MLC1: variants seen among roughly 807,000 people sequenced by gnomAD.
MLC1 encodes the protein modulator of VRAC current 1, also known as membrane protein MLC1.
A neutral mutation model predicts 44.7 loss-of-function variants in MLC1; 32 were observed. That is an observed-to-expected ratio of 0.72 (90% CI 0.54 to 0.96). The LOEUF is 0.96. Ranked by LOEUF, MLC1 falls within the 40% of genes least tolerant of loss-of-function variation. The pLI is 0.00. For synonymous variants in MLC1, 190 were observed against 213.0 expected, an observed-to-expected ratio of 0.89 and a Z score of 0.94; for missense variants, 459 against 492.2, an observed-to-expected ratio of 0.93 and a Z score of 0.64.
rs574287059 is a variant in MLC1 at position 50,085,395 on chromosome 22, T to C, written c.-100A>G. On this transcript the variant is annotated 5_prime_UTR_variant, in exon 1 of 12. Coordinates refer to ENST00000311597, the MANE Select transcript of MLC1 (RefSeq NM_015166.4). ...GCCGTTGGGAGCACTGGTCTCTGGG[T>C]GAGGGACTTCCAGCAAGAAGTATTC... 4.5e-4 allele frequency: 88 copies of C among 195,100 alleles called. No homozygotes were observed. The highest frequency in any genetic ancestry group is 2.0e-3 in the African/African-American group (87 of 42,704). The allele number at this position is 195,100 out of a possible 1,614,324, so 12.1% of individuals were successfully genotyped here. A position where few individuals can be genotyped will look rare whatever the true frequency, so the allele number is the denominator to read the frequency against.
Position 50,083,303 on chromosome 22 carries a change from G to T in MLC1, c.178-130C>A. ...ACGTCCCCCAGCATCAACCACACCC[G>T]CACCTGGGACCCGCCCATCCTGGAC... is the stretch of plus-strand genomic sequence containing the variant. On this transcript the variant is annotated intron_variant, in intron 2 of 11. Coordinates refer to ENST00000311597, the MANE Select transcript of MLC1 (RefSeq NM_015166.4). The surrounding 1 kb of genome is among the most constrained non-coding windows in gnomAD (Gnocchi z 4.6). 1 of 823,822 alleles carries T rather than the reference G, an allele frequency of 1.2e-6. No homozygotes were observed. The highest frequency in any genetic ancestry group is 2.0e-6 in the Non-Finnish European group (1 of 496,230). 51.0% of individuals were successfully genotyped at this position (823,822 alleles called of 1,614,324 possible). A position where few individuals can be genotyped will look rare whatever the true frequency, so the allele number is the denominator to read the frequency against.
rs1209971027 is a variant in MLC1, at chr22:50,059,758, G to A, written c.*1825C>T. 1 of 152,354 alleles carries A rather than the reference G, an allele frequency of 6.6e-6. No individual in the cohort carries two copies. 9.4% of individuals were successfully genotyped at this position (152,354 alleles called of 1,614,324 possible). The stretch of plus-strand genomic sequence containing the variant: ...CTCTCCCACGGTGGCGCTTGTTTGG[G>A]GCTGTGGCCAAAGTGTTTGCCCGGC... On this transcript the variant is annotated 3_prime_UTR_variant, in exon 12 of 12. Coordinates refer to ENST00000311597, the MANE Select transcript of MLC1 (RefSeq NM_015166.4).
intron 8 of MLC1, among the ~76,000 whole-genome samples, chr22:50,072,285 G>A (rs922513900): frequency 6.6e-5 from 10 of 152,326 alleles, no homozygotes; most frequent in African/African-American, 2.4e-4. Context: ...CCCTGCCCTG[G>A]AAGGGTCCAG....
chr22:50,068,875 C>T (rs1028598501), intron 9 of MLC1, among the ~76,000 whole-genome samples: 6 of 151,796 alleles, frequency 4.0e-5, no homozygotes, highest in African/African-American at 7.3e-5. Flanking sequence ...TACAGGCGCC[C>T]GCCACCACAC....
chr22:50,081,037 G>GAAAGAAAGAAAGAAAGAAAGAAAGAAAGA lies in MLC1; in HGVS notation c.268-641_268-640insTCTTTCTTTCTTTCTTTCTTTCTTTCTTT, dbSNP rs1555968046. 1.7e-3 allele frequency among the ~76,000 whole-genome samples: 213 copies of GAAAGAAAGAAAGAAAGAAAGAAAGAAAGA among 126,960 alleles called. 1 individual carries two copies. Among genetic ancestry groups the GAAAGAAAGAAAGAAAGAAAGAAAGAAAGA allele is most frequent in the Non-Finnish European group, 2.0e-3 (114 of 55,998 alleles). The allele number at this position is 126,960 out of a possible 152,430, so 83.3% of individuals were successfully genotyped here. ...AGAAAGAAAGAAAGAAAGAAAGAAA[G>GAAAGAAAGAAAGAAAGAAAGAAAGAAAGA]AAAGAAAGAAAGAAAGAAAGAGGAG... On this transcript the variant is annotated intron_variant, in intron 3 of 11. Coordinates refer to ENST00000311597, the MANE Select transcript of MLC1 (RefSeq NM_015166.4).
chr22:50,074,696 C>A (rs1161684375), intron 7 of MLC1: 1 of 333,172 alleles, frequency 3.0e-6, no homozygotes, highest in East Asian at 7.3e-5. Flanking sequence ...GACCCTGGAC[C>A]CCATCGAAGG....
chr22:50,065,589 A>T (rs767594515), intron 10 of MLC1, among the ~76,000 whole-genome samples: 1 of 152,204 alleles, frequency 6.6e-6, no homozygotes, highest in Admixed American at 6.5e-5. Flanking sequence ...TGAAAAAGCA[A>T]TGCAGACGTC....
rs1248128698 is a variant in MLC1 at position 50,083,330 on chromosome 22, C to T, written c.178-157G>A. Among the ~76,000 whole-genome samples the T allele has an allele frequency of 3.3e-5, 5 of 152,124 alleles. No homozygotes were observed. The highest frequency in any genetic ancestry group is 2.6e-4 in the Admixed American group (4 of 15,278). ...ACCTGGGACCCGCCCATCCTGGACT[C>T]CTCCTGTAGGACAGACGCAGCCCCG... is the stretch of plus-strand genomic sequence containing the variant. On this transcript the variant is annotated intron_variant, in intron 2 of 11. Coordinates refer to ENST00000311597, the MANE Select transcript of MLC1 (RefSeq NM_015166.4). The surrounding 1 kb of genome is among the most constrained non-coding windows in gnomAD (Gnocchi z 4.6).
intron 1 of MLC1, 144 bp from the exon 2 acceptor site, chr22:50,085,105 G>A: frequency 7.0e-7 from 1 of 1,437,286 alleles, no homozygotes; most frequent in Non-Finnish European, 9.1e-7. Context: ...GAATCTAAAA[G>A]TGAAAAAGAA....
intron 10 of MLC1, among the ~76,000 whole-genome samples, chr22:50,066,593 G>C (rs530185035): frequency 6.6e-6 from 1 of 152,108 alleles, no homozygotes; most frequent in South Asian, 2.1e-4. Context: ...CCAGGAGGCA[G>C]AGGTTGCAGT....
chr22:50,063,743 G>GACCC (rs5845918), intron 11 of MLC1, among the ~76,000 whole-genome samples: 3 of 43,126 alleles, frequency 7.0e-5, no homozygotes, highest in African/African-American at 1.7e-4. Flanking sequence ...CCTCCCCAGT[G>GACCC]CCCCCACCCC....
chr22:50,073,363 G>A (rs999589600), intron 8 of MLC1, among the ~76,000 whole-genome samples: 2 of 152,270 alleles, frequency 1.3e-5, no homozygotes, highest in Non-Finnish European at 1.5e-5. Context: ...ACCTCGTGGG[G>A]TCTGCGTCCG....
chr22:50,077,556 C>A, intron 5 of MLC1, 54 bp from the exon 6 acceptor site: 2 of 1,444,266 alleles, frequency 1.4e-6, no homozygotes, highest in African/African-American at 1.4e-5. Flanking sequence ...CACGCCACCG[C>A]GCTTCAGCGT....
Position 50,077,405 on chromosome 22 carries a change from T to A in MLC1, c.521A>T (p.Lys174Met). The A allele has an allele frequency of 6.2e-7, 1 of 1,613,750 alleles. No homozygotes were observed. Among genetic ancestry groups the A allele is most frequent in the South Asian group, 1.1e-5 (1 of 91,050 alleles). ...GGGGTCAGAAGCTGCACCCACCTTC[T>A]TTTTCTTGCAGTCCTCCTCGCTGGA... ...ARSSEEDCKK[K>M]KGSMSDSANI... Residue 174 changes from lysine (K) to methionine (M), a missense_variant, in exon 6 of 12, where the codon AAG becomes ATG. Lys to Met is a moderately conservative substitution (Grantham distance 95, BLOSUM62 -1). Transcript: ENST00000311597.
At chr22:50,075,467 T>C (rs2146868462) in intron 7 of MLC1, among the ~76,000 whole-genome samples, 1 of 152,204 alleles carries the variant, frequency 6.6e-6, no homozygotes, top group South Asian at 2.1e-4. Context: ...ATCCTAGCAC[T>C]TTGGGAGGCC....
At chr22:50,071,300 C>T (rs1046989411) in intron 8 of MLC1, among the ~76,000 whole-genome samples, 5 of 152,134 alleles carry the variant, frequency 3.3e-5, no homozygotes, top group Admixed American at 2.6e-4. Context: ...CCTTGTTGGC[C>T]AGGCTGGTCT....
Position 50,074,207 on chromosome 22 carries a change from G to A in MLC1, c.714+9C>T. The stretch of plus-strand genomic sequence containing the variant: ...GAGCGGCGGCGGGCGGGCCAGAGGG[G>A]TTACTCACGGCCACTAGGATCCAAA... On this transcript the variant is annotated intron_variant, in intron 8 of 11. Transcript: ENST00000311597. The A allele has an allele frequency of 1.2e-6, 2 of 1,607,372 alleles. No homozygotes were observed. Among genetic ancestry groups the A allele is most frequent in the Middle Eastern group, 1.7e-4 (1 of 6,050 alleles).
At position 50,083,019 on chromosome 22, in the gene MLC1, C is replaced by T; in HGVS notation, c.267+65G>A. 6.7e-7 allele frequency: 1 copy of T among 1,500,362 alleles called. No individual in the cohort carries two copies. The highest frequency in any genetic ancestry group is 2.3e-5 in the East Asian group (1 of 44,354). 92.9% of individuals were successfully genotyped at this position (1,500,362 alleles called of 1,614,324 possible). A position where few individuals can be genotyped will look rare whatever the true frequency, so the allele number is the denominator to read the frequency against. ...TGACAGAAACCTGCACATCTCAGAA[C>T]AAAGAAACCAGAGCACGTGCCGGCG... On this transcript the variant is annotated intron_variant, in intron 3 of 11. Coordinates refer to ENST00000311597, the MANE Select transcript of MLC1 (RefSeq NM_015166.4). This position sits in a 1 kb window ranked among gnomAD's most constrained non-coding sequence, Gnocchi z 4.6.
At chr22:50,080,118 G>T in intron 4 of MLC1, 99 bp from the exon 5 acceptor site, 1 of 1,084,006 alleles carries the variant, frequency 9.2e-7, no homozygotes, top group Non-Finnish European at 1.4e-6. Context: ...AAATTATCCT[G>T]ATTAGGACAT....
Sources: gnomAD v4.1 joint callset for allele counts (sites outside exome capture counted in the v4.1 genomes callset) on GRCh38, gnomAD v4.1.1 for gene constraint, Gnocchi (gnomAD v3.1) non-coding constraint, MANE v1.5 for transcripts, NCBI Gene and HGNC (gene_info 2026-07-23, HGNC 2026-07-21) for gene names.